LGR5: variants seen among roughly 807,000 people sequenced by gnomAD.
LGR5 encodes the protein leucine rich repeat containing G protein-coupled receptor 5.
Under a neutral mutation model 76.7 loss-of-function variants are expected in LGR5, and 54 were observed. The observed-to-expected ratio is 0.70, with a 90% CI of 0.57 to 0.88. The LOEUF is 0.88. Ranked by LOEUF, LGR5 falls within the 40% of genes least tolerant of loss-of-function variation. The pLI is 0.00. For missense variants in LGR5, 1,078 were observed against 1,073.3 expected (o/e 1.00, Z -0.06); for synonymous variants, 406 against 421.9 (o/e 0.96, Z 0.46).
chr12:71,500,830 A>C (rs1874566132), intron 1 of LGR5, among the ~76,000 whole-genome samples: 3 of 152,122 alleles, frequency 2.0e-5, no homozygotes, highest in South Asian at 4.1e-4. Context: ...TGGAATTTGC[A>C]ATCTCTATTC....
intron 1 of LGR5, among the ~76,000 whole-genome samples, chr12:71,451,134 G>C (rs1247241941): frequency 6.6e-6 from 1 of 152,236 alleles, no homozygotes; most frequent in African/African-American, 2.4e-5. Context: ...GTGGTTTGAA[G>C]ATTTATGGAC....
intron 4 of LGR5, among the ~76,000 whole-genome samples, chr12:71,535,890 T>C (rs1282509849): frequency 2.6e-5 from 4 of 152,210 alleles, no homozygotes; most frequent in Admixed American, 6.5e-5. Context: ...TTAAAACTTC[T>C]GAATAAATAA....
Position 71,440,135 on chromosome 12 carries a change from G to A in LGR5, c.55G>A (p.Ala19Thr). Reference sequence around the variant, plus strand: ...GTCCTTGCCTGTGCTGCTGCAGCTGGCGACCGGGGGCAGCTCTCCCAGGTC... The same window carrying A: ...GTCCTTGCCTGTGCTGCTGCAGCTGACGACCGGGGGCAGCTCTCCCAGGTC... The part of the protein sequence containing the change: ...LLSLPVLLQL[A>T]TGGSSPRSGV... The change falls in exon 1 of 18, where the codon GCG becomes ACG. Residue 19 changes from alanine to threonine, a missense_variant. Coordinates refer to ENST00000266674, the MANE Select transcript of LGR5 (RefSeq NM_003667.4). The surrounding 1 kb of genome is among the most constrained non-coding windows in gnomAD (Gnocchi z 5.3). 6.2e-7 allele frequency: 1 copy of A among 1,609,334 alleles called. No homozygotes were observed. The highest frequency in any genetic ancestry group is 1.1e-5 in the South Asian group (1 of 90,928).
At chr12:71,542,491 A>G (rs1241377395) in intron 4 of LGR5, among the ~76,000 whole-genome samples, 1 of 152,188 alleles carries the variant, frequency 6.6e-6, no homozygotes, top group Non-Finnish European at 1.5e-5. Flanking sequence ...TAAGGCTGGC[A>G]GGTGGGGGTA....
At chr12:71,471,880 G>C (rs34263073) in intron 1 of LGR5, among the ~76,000 whole-genome samples, 1 of 151,990 alleles carries the variant, frequency 6.6e-6, no homozygotes, top group Non-Finnish European at 1.5e-5. Context: ...TACTAAAAGA[G>C]TATGTAGTAT....
rs1874779430 is a variant in LGR5, at chr12:71,504,776, C to A, written c.284+91C>A. 2.7e-6 allele frequency: 3 copies of A among 1,111,564 alleles called. No individual in the cohort carries two copies. In the South Asian group the frequency reaches 3.7e-5, roughly 14 times the overall value. 68.9% of individuals were successfully genotyped at this position (1,111,564 alleles called of 1,614,324 possible). A position where few individuals can be genotyped will look rare whatever the true frequency, so the allele number is the denominator to read the frequency against. ...TACTTACTGTGGGAACCAGATAAAACAAGGCAGAAAACCTGTCAGCACCAA... is the reference window on the plus strand; with the variant it reads ...TACTTACTGTGGGAACCAGATAAAAAAAGGCAGAAAACCTGTCAGCACCAA... On this transcript the variant is annotated intron_variant, in intron 2 of 17. Transcript: ENST00000266674.
At chr12:71,545,372 G>A (rs181355002) in intron 4 of LGR5, among the ~76,000 whole-genome samples, 7 of 152,242 alleles carry the variant, frequency 4.6e-5, no homozygotes, top group Admixed American at 4.6e-4. Flanking sequence ...AGAATCACTT[G>A]AACCCAAGAG....
intron 17 of LGR5, 44 bp from the exon 18 acceptor site, chr12:71,583,603 A>G: frequency 6.4e-7 from 1 of 1,553,572 alleles, no homozygotes; most frequent in Non-Finnish European, 8.7e-7. Context: ...AAAAGTTGTA[A>G]ACCCTAATTT....
chr12:71,553,347 G>T, intron 5 of LGR5, 59 bp downstream of exon 5: 1 of 1,414,218 alleles, frequency 7.1e-7, no homozygotes. Context: ...GAAGACCTTG[G>T]CCTTAAAATG....
chr12:71,504,132 T>TTTG (rs954413211), intron 1 of LGR5, among the ~76,000 whole-genome samples: 2 of 151,858 alleles, frequency 1.3e-5, no homozygotes, highest in African/African-American at 4.9e-5. Context: ...TTTGTCTTGT[T>TTTG]TTGTTGTTGT....
intron 2 of LGR5, among the ~76,000 whole-genome samples, chr12:71,515,322 A>C (rs1875382148): frequency 6.6e-6 from 1 of 152,216 alleles, no homozygotes; most frequent in South Asian, 2.1e-4. Flanking sequence ...TGGTTTCATC[A>C]CTTATGTATC....
chr12:71,511,151 C>A (rs1592502247), intron 2 of LGR5, among the ~76,000 whole-genome samples: 1 of 152,112 alleles, frequency 6.6e-6, no homozygotes, highest in Non-Finnish European at 1.5e-5. Context: ...GCCGAAGGAC[C>A]TGGTAGGAGG....
intron 1 of LGR5, among the ~76,000 whole-genome samples, chr12:71,483,222 C>T (rs959728480): frequency 1.3e-5 from 2 of 152,190 alleles, no homozygotes; most frequent in Non-Finnish European, 2.9e-5. Context: ...TGCGTGTCTA[C>T]TCCCAGAAAA....
chr12:71,516,690 G>T (rs985898121), intron 2 of LGR5, among the ~76,000 whole-genome samples: 1 of 152,036 alleles, frequency 6.6e-6, no homozygotes, highest in African/African-American at 2.4e-5. Flanking sequence ...AAAGAAAATT[G>T]TACATTCTCC....
At chr12:71,490,129 C>CAA (rs34971565) in intron 1 of LGR5, among the ~76,000 whole-genome samples, 72 of 140,908 alleles carry the variant, frequency 5.1e-4, no homozygotes, top group African/African-American at 1.6e-3. Flanking sequence ...GACCCAGCCT[C>CAA]AAAAAAAAAA....
At chr12:71,516,420 C>T (rs1875441053) in intron 2 of LGR5, among the ~76,000 whole-genome samples, 1 of 152,154 alleles carries the variant, frequency 6.6e-6, no homozygotes, top group African/African-American at 2.4e-5. Flanking sequence ...GAAAATGCTA[C>T]TCAGCCAAGT....
At chr12:71,524,623 T>C (rs980248894) in intron 3 of LGR5, 146 bp downstream of exon 3, 15 of 504,518 alleles carry the variant, frequency 3.0e-5, no homozygotes, top group Non-Finnish European at 4.6e-5. Context: ...ATTGGTACCA[T>C]ACAGCCATAT....
At position 71,509,224 on chromosome 12, in the gene LGR5, G is replaced by T. The variant is rs1875021921; in HGVS notation, c.284+4539G>T. 3.3e-5 allele frequency among the ~76,000 whole-genome samples: 5 copies of T among 152,280 alleles called. No individual in the cohort carries two copies. The South Asian group carries it at 1.0e-3, about 32-fold the overall frequency. On this transcript the variant is annotated intron_variant, in intron 2 of 17. Coordinates refer to ENST00000266674, the MANE Select transcript of LGR5 (RefSeq NM_003667.4). ...GCCTCAGAGGAGAATGGTGCTGTCTGCCTTTTAAGGTGTTTCCAAGAATCA... is the reference window on the plus strand; with the variant it reads ...GCCTCAGAGGAGAATGGTGCTGTCTTCCTTTTAAGGTGTTTCCAAGAATCA...
chr12:71,562,706 T>C (rs987671046), intron 8 of LGR5, among the ~76,000 whole-genome samples: 8 of 152,178 alleles, frequency 5.3e-5, no homozygotes, highest in Non-Finnish European at 1.0e-4. Context: ...CGGAGGCAGA[T>C]TTGGGACACC....
Sources: gnomAD v4.1 joint callset for allele counts (sites outside exome capture counted in the v4.1 genomes callset) on GRCh38, gnomAD v4.1.1 for gene constraint, Gnocchi (gnomAD v3.1) non-coding constraint, MANE v1.5 for transcripts, NCBI Gene and HGNC (gene_info 2026-07-23, HGNC 2026-07-21) for gene names.